NCKAP5: variants seen among roughly 807,000 people sequenced by gnomAD.
NCKAP5 encodes nck-associated protein 5.
NCKAP5 carries 92 observed loss-of-function variants against 167.0 expected under a neutral mutation model. The ratio of observed to expected loss-of-function variants is 0.55; its 90% CI spans 0.47 to 0.66. The LOEUF (loss-of-function observed/expected upper bound fraction) is 0.66. Ranked by LOEUF, NCKAP5 falls within the 30% of genes least tolerant of loss-of-function variation. The pLI, the probability that NCKAP5 is intolerant of heterozygous loss-of-function variation, is 0.00. For missense variants in NCKAP5, 2,378 were observed against 2,315.0 expected (o/e 1.03, Z -0.56); for synonymous variants, 891 against 877.4 (o/e 1.02, Z -0.27).
At chr2:133,358,598 C>T (rs1684894716) in intron 3 of NCKAP5, among the ~76,000 whole-genome samples, 1 of 152,172 alleles carries the variant, frequency 6.6e-6, no homozygotes, top group African/African-American at 2.4e-5. Context: ...TGTTGAACCG[C>T]ACTGAGTATA....
At chr2:133,084,111 A>G (rs2080903197) in intron 6 of NCKAP5, among the ~76,000 whole-genome samples, 1 of 152,150 alleles carries the variant, frequency 6.6e-6, no homozygotes, top group South Asian at 2.1e-4. Context: ...GCATGGAAGC[A>G]TGAAAGAACA....
chr2:133,467,802 G>A lies in NCKAP5; in HGVS notation c.69+49656C>T, dbSNP rs1180058241. ...GATTTTCTAGTTTATTTGCGTAGAG[G>A]TGTTTGTAGTATTCTCTGATGGTGG... On this transcript the variant is annotated intron_variant, in intron 3 of 19. Transcript: ENST00000409261. 1.1e-4 allele frequency among the ~76,000 whole-genome samples: 15 copies of A among 139,236 alleles called. 2 individuals are homozygous for A. The highest frequency in any genetic ancestry group is 3.6e-3 in the Middle Eastern group (1 of 280). The allele number at this position is 139,236 out of a possible 152,430, so 91.3% of individuals were successfully genotyped here.
chr2:132,739,000 A>T (rs1691781894), intron 16 of NCKAP5, among the ~76,000 whole-genome samples: 1 of 152,186 alleles, frequency 6.6e-6, no homozygotes, highest in African/African-American at 2.4e-5. Context: ...CAAATATCCA[A>T]ACTATATAAA....
intron 6 of NCKAP5, among the ~76,000 whole-genome samples, chr2:133,081,776 C>T (rs1267002521): frequency 6.6e-6 from 1 of 152,022 alleles, no homozygotes; most frequent in East Asian, 1.9e-4. Context: ...GAAACGTTTT[C>T]CTCCTTTTCC....
chr2:133,634,955 C>T, the NCKAP5 span, among the ~76,000 whole-genome samples: 5 of 151,706 alleles, frequency 3.3e-5, no homozygotes, highest in Admixed American at 3.3e-4. Flanking sequence ...GCAACCTCTG[C>T]GCCTCCTGGG....
At chr2:133,115,972 T>C (rs969231605) in intron 6 of NCKAP5, among the ~76,000 whole-genome samples, 2 of 151,512 alleles carry the variant, frequency 1.3e-5, no homozygotes, top group African/African-American at 4.8e-5. Context: ...TGTAAAGTAG[T>C]GCTATGGAAA....
chr2:132,833,990 T>G (rs562855830), intron 11 of NCKAP5, among the ~76,000 whole-genome samples: 1 of 152,330 alleles, frequency 6.6e-6, no homozygotes, highest in South Asian at 2.1e-4. Context: ...TCCCTGAGAA[T>G]TAGATGATTT....
intron 3 of NCKAP5, among the ~76,000 whole-genome samples, chr2:133,482,944 C>T (rs1332878727): frequency 2.0e-5 from 3 of 152,072 alleles, no homozygotes; most frequent in Admixed American, 6.6e-5. Context: ...ACTATAGAAC[C>T]GATGCAAAAA....
At chr2:133,470,260 A>G (rs1462882786) in intron 3 of NCKAP5, among the ~76,000 whole-genome samples, 64 of 151,834 alleles carry the variant, frequency 4.2e-4, no homozygotes, top group African/African-American at 1.5e-3. Context: ...GTCTGTTGGA[A>G]TACCCTGCCG....
At chr2:133,155,698 T>TA in intron 5 of NCKAP5, among the ~76,000 whole-genome samples, 1 of 152,192 alleles carries the variant, frequency 6.6e-6, no homozygotes, top group East Asian at 1.9e-4. Flanking sequence ...CACCCTCTGT[T>TA]ATGTGGGTGG....
chr2:133,273,467 C>T (rs1317346784), intron 4 of NCKAP5, among the ~76,000 whole-genome samples: 1 of 151,744 alleles, frequency 6.6e-6, no homozygotes, highest in Non-Finnish European at 1.5e-5. Flanking sequence ...CTCTAATAAC[C>T]CATATCTCAC....
rs541458898 is a variant in NCKAP5 at position 133,329,978 on chromosome 2, C to T, written c.70-26868G>A. ...ACCGGAGGGGCCAGCGTCTAAGACA[C>T]TATGAAAGATAAAGAGTATAATACT... On this transcript the variant is annotated intron_variant, in intron 3 of 19. Coordinates refer to ENST00000409261, the MANE Select transcript of NCKAP5 (RefSeq NM_207363.3). 3.0e-3 allele frequency among the ~76,000 whole-genome samples: 435 copies of T among 146,592 alleles called. 4 individuals are homozygous for T. The highest frequency in any genetic ancestry group is 4.2e-3 in the Non-Finnish European group (282 of 66,986).
intron 6 of NCKAP5, chr2:133,123,353 A>G (rs977371567): frequency 6.3e-6 from 1 of 157,690 alleles, no homozygotes; most frequent in Non-Finnish European, 1.4e-5. Context: ...GAGAGCTTAC[A>G]TGCTAGATCA....
At chr2:132,716,601 T>C (rs1174087093) in intron 19 of NCKAP5, among the ~76,000 whole-genome samples, 1 of 151,478 alleles carries the variant, frequency 6.6e-6, no homozygotes, top group Non-Finnish European at 1.5e-5. Flanking sequence ...GGGGGTTCGG[T>C]GGTAATGGGA....
intron 8 of NCKAP5, among the ~76,000 whole-genome samples, chr2:132,895,346 C>CAAAAAAAAAAAA (rs563409400): frequency 1.4e-5 from 1 of 71,926 alleles, no homozygotes. Context: ...GACTCTGTCT[C>CAAAAAAAAAAAA]AAAAAAAAAA....
At chr2:133,412,850 A>T (rs1313440360) in intron 3 of NCKAP5, among the ~76,000 whole-genome samples, 3 of 152,246 alleles carry the variant, frequency 2.0e-5, no homozygotes, top group Non-Finnish European at 4.4e-5. Flanking sequence ...GACTCACTTT[A>T]TCTAAAGAAA....
At chr2:132,741,482 C>T (rs545208483) in intron 16 of NCKAP5, among the ~76,000 whole-genome samples, 1 of 152,042 alleles carries the variant, frequency 6.6e-6, no homozygotes. Context: ...CTTAGGAACT[C>T]ACAGTTGGAT....
At chr2:133,366,711 T>C (rs551058918) in intron 3 of NCKAP5, among the ~76,000 whole-genome samples, 1 of 152,282 alleles carries the variant, frequency 6.6e-6, no homozygotes, top group Admixed American at 6.5e-5. Context: ...ACACAGTTCA[T>C]AAGAGAATAT....
chr2:133,343,405 T>C (rs950646906), intron 3 of NCKAP5, among the ~76,000 whole-genome samples: 1 of 151,166 alleles, frequency 6.6e-6, no homozygotes, highest in African/African-American at 2.4e-5. Flanking sequence ...AAGAAACACA[T>C]GTATCTGCAC....
Sources: gnomAD v4.1 joint callset for allele counts (sites outside exome capture counted in the v4.1 genomes callset) on GRCh38, gnomAD v4.1.1 for gene constraint, MANE v1.5 for transcripts, NCBI Gene and HGNC (gene_info 2026-07-23, HGNC 2026-07-21) for gene names.